The following DNAH3 variants were observed in gnomAD, a reference collection of about 807,000 sequenced individuals.
DNAH3 encodes dynein axonemal heavy chain 3, also known as axonemal beta dynein heavy chain 3.
Under a neutral mutation model 432.5 loss-of-function variants are expected in DNAH3, and 332 were observed. The observed-to-expected ratio is 0.77, with a 90% confidence interval of 0.70 to 0.84. The LOEUF (loss-of-function observed/expected upper bound fraction) is 0.84, where lower values mean the gene tolerates loss of function less well. DNAH3 is among the 40% of genes least tolerant of loss of function. The pLI, the probability that DNAH3 is intolerant of heterozygous loss-of-function variation, is 0.00. For missense variants in DNAH3, 4,861 were observed against 5,114.0 expected, an observed-to-expected ratio of 0.95 and a Z score of 1.51; for synonymous variants, 1,956 against 1,900.2, an observed-to-expected ratio of 1.03 and a Z score of -0.76.
chr16:20,952,375 C>T (rs2084355347), intron 56 of DNAH3, 58 bp downstream of exon 56: 15 of 1,041,894 alleles, frequency 1.4e-5, no homozygotes, highest in Non-Finnish European at 2.1e-5. Flanking sequence ...AGGAGAACAG[C>T]AGGAGGGTGG....
rs111550899 is a variant in DNAH3, at chr16:21,042,341, T to A, written c.4462-138A>T. ...ACCTGCACATTCAAAATTAGGAGCA[T>A]GATTTGGGGTTTTGGTAAGAAAAAA... is the stretch of plus-strand genomic sequence containing the variant. On this transcript the variant is annotated intron_variant, in intron 31 of 61. Coordinates refer to ENST00000261383, the Ensembl canonical transcript of DNAH3. 1.3e-4 allele frequency: 103 copies of A among 800,876 alleles called. No individual in the cohort carries two copies. The African/African-American group carries it at 1.7e-3, about 13-fold the overall frequency. 49.6% of individuals were successfully genotyped at this position (800,876 alleles called of 1,614,324 possible).
chr16:21,131,107 A>C (rs12596716), intron 7 of DNAH3, among the ~76,000 whole-genome samples: 42,805 of 151,686 alleles, frequency 0.28, 6,159 homozygotes, highest in African/African-American at 0.34. Context: ...GAGGCTGAGG[A>C]AGGAGGAATT....
In DNAH3 at chr16:20,985,721, A is replaced by C; in HGVS notation, c.7027-6T>G. The C allele has an allele frequency of 1.2e-6, 2 of 1,609,706 alleles. No homozygotes were observed. Among genetic ancestry groups the C allele is most frequent in the Non-Finnish European group, 1.7e-6 (2 of 1,176,676 alleles). ...GGTGACAAGTGGATAAGCACCTGTA[A>C]GAAAAGTAAATCTCGGCGGGGCATT... On this transcript the variant is annotated splice_polypyrimidine_tract_variant and splice_region_variant and intron_variant, in intron 47 of 61. Transcript: ENST00000261383.
exon 53 of DNAH3, chr16:20,963,699 G>A (rs758503370): frequency 1.9e-6 from 3 of 1,614,000 alleles, no homozygotes; most frequent in Non-Finnish European, 2.5e-6. Flanking sequence ...CAGTGAGAAG[G>A]AAGTACCACA....
intron 57 of DNAH3, among the ~76,000 whole-genome samples, chr16:20,947,762 A>T (rs1289238053): frequency 2.0e-5 from 3 of 152,082 alleles, no homozygotes; most frequent in South Asian, 4.2e-4. Flanking sequence ...CATCAATAAA[A>T]GTAAGTGGTT....
intron 14 of DNAH3, among the ~76,000 whole-genome samples, chr16:21,110,028 G>T (rs1415585881): frequency 6.6e-6 from 1 of 152,138 alleles, no homozygotes; most frequent in African/African-American, 2.4e-5. Flanking sequence ...CTCATGTTGG[G>T]ACTATAGACG....
chr16:21,066,355 C>T (rs2090549895), intron 24 of DNAH3, among the ~76,000 whole-genome samples: 2 of 151,806 alleles, frequency 1.3e-5, no homozygotes, highest in Non-Finnish European at 1.5e-5. Context: ...TTCACCTTTC[C>T]GAAACTAACC....
chr16:21,118,248 T>C (rs977653795), intron 11 of DNAH3, among the ~76,000 whole-genome samples: 109 of 152,156 alleles, frequency 7.2e-4, no homozygotes, highest in Non-Finnish European at 7.1e-4. Context: ...CACAAAGTGC[T>C]GGGATTACAG....
chr16:21,159,264 TC>T, intron 1 of DNAH3: 1 of 1,396,270 alleles, frequency 7.2e-7, no homozygotes, highest in Non-Finnish European at 1.0e-6. Context: ...AGTACTCGAC[TC>T]CCCTCTGAGT....
intron 49 of DNAH3, among the ~76,000 whole-genome samples, chr16:20,980,780 A>C (rs1471002494): frequency 1.3e-5 from 2 of 152,240 alleles, no homozygotes; most frequent in Non-Finnish European, 2.9e-5. Flanking sequence ...AATATTTTAA[A>C]ATTTGTAATA....
chr16:20,933,302 G>A (rs757021423), exon 62 of DNAH3: 1 of 1,614,178 alleles, frequency 6.2e-7, no homozygotes, highest in South Asian at 1.1e-5. Context: ...TTTGTAGACT[G>A]GACACACATA....
At chr16:21,132,976 G>C (rs918656805) in intron 7 of DNAH3, among the ~76,000 whole-genome samples, 1 of 149,974 alleles carries the variant, frequency 6.7e-6, no homozygotes. Flanking sequence ...TTTTTGAGAC[G>C]GAGTTTCGCA....
intron 55 of DNAH3, 106 bp downstream of exon 55, chr16:20,954,707 C>T (rs2084479709): frequency 8.5e-6 from 11 of 1,292,842 alleles, no homozygotes; most frequent in Non-Finnish European, 1.1e-5. Context: ...CCGTATCTTA[C>T]TGGCAACCCT....
intron 38 of DNAH3, 135 bp from the exon 39 acceptor site, chr16:21,024,836 G>A (rs1260884621): frequency 1.4e-6 from 1 of 709,376 alleles, no homozygotes; most frequent in Middle Eastern, 2.9e-4. Flanking sequence ...TAGTCCCCTG[G>A]GTTTACCCAC....
At chr16:21,156,162 CTTATTTTATTTTATTTTATT>C (rs150133557) in intron 1 of DNAH3, among the ~76,000 whole-genome samples, 55 of 144,702 alleles carry the variant, frequency 3.8e-4, no homozygotes, top group Admixed American at 1.1e-3. Context: ...GGGAGTTATT[CTTATTTTATTTTATTTTATT>C]TTATTTTATT....
chr16:21,062,496 G>C (rs1242919210), exon 25 of DNAH3: 1 of 1,614,004 alleles, frequency 6.2e-7, no homozygotes, highest in Non-Finnish European at 8.5e-7. Context: ...GCATTAGCTG[G>C]GTAGATTTTC....
chr16:21,081,345 T>C (rs2091177330), intron 20 of DNAH3, among the ~76,000 whole-genome samples: 1 of 150,218 alleles, frequency 6.7e-6, no homozygotes, highest in African/African-American at 2.5e-5. Context: ...CCCCAATCAC[T>C]GAGAGCTGGG....
At chr16:21,134,068 C>G in intron 7 of DNAH3, 191 bp downstream of exon 8, 1 of 546,354 alleles carries the variant, frequency 1.8e-6, no homozygotes, top group Non-Finnish European at 3.2e-6. Context: ...CCTGGGGACA[C>G]AAAGGAGGGC....
intron 28 of DNAH3, 114 bp from the exon 29 acceptor site, chr16:21,051,982 T>C (rs2089973607): frequency 1.4e-6 from 1 of 734,112 alleles, no homozygotes; most frequent in Non-Finnish European, 2.1e-6. Flanking sequence ...CCAAACTATT[T>C]TATTTTATTT....
Sources: allele counts gnomAD v4.1 joint callset (sites outside exome capture counted in the v4.1 genomes callset), GRCh38; gene constraint gnomAD v4.1.1; transcripts MANE v1.5; gene names NCBI Gene and HGNC (gene_info 2026-07-23, HGNC 2026-07-21).